The following TTC21B variants were observed in gnomAD, a reference collection of about 807,000 sequenced individuals.
TTC21B encodes the protein tetratricopeptide repeat protein 21B.
TTC21B carries 127 observed loss-of-function variants against 175.1 expected under a neutral mutation model. That is an observed-to-expected ratio of 0.73 (90% CI 0.63 to 0.84). TTC21B has a LOEUF of 0.84. TTC21B is among the 40% of genes least tolerant of loss of function. The pLI, the probability that TTC21B is intolerant of heterozygous loss-of-function variation, is 0.00. For missense variants in TTC21B, 1,561 were observed against 1,558.3 expected (o/e 1.00, Z -0.03); for synonymous variants, 524 against 524.5 (o/e 1.00, Z 0.01).
At position 165,941,126 on chromosome 2, in the gene TTC21B, A is replaced by G; in HGVS notation, c.611T>C (p.Ile204Thr). Residue 204 changes from isoleucine (I) to threonine (T), a missense_variant, in exon 6 of 29, where the codon ATA (isoleucine) becomes ACA (threonine). Physicochemically the swap from Ile to Thr is moderately conservative, Grantham distance 89. Transcript: ENST00000243344. ...YSGALETVNQIIVNFPSFLPA... is the reference protein window; with the variant it reads ...YSGALETVNQTIVNFPSFLPA... ...AAGGAAGCTCGGAAAATTCACGATT[A>G]TCTGGTTCACAGTCTCCAGGGCACC... 6.2e-7 allele frequency: 1 copy of G among 1,613,914 alleles called. No individual in the cohort carries two copies. The highest frequency in any genetic ancestry group is 1.1e-5 in the South Asian group (1 of 91,086).
chr2:165,950,549 G>C (rs78136867), intron 1 of TTC21B, among the ~76,000 whole-genome samples: 20,422 of 152,158 alleles, frequency 0.13, 1,748 homozygotes, highest in East Asian at 0.33. Context: ...AGCTTGTTCA[G>C]TAGCAGTGAG....
intron 17 of TTC21B, among the ~76,000 whole-genome samples, chr2:165,912,234 T>C (rs1359702002): frequency 6.6e-6 from 1 of 152,144 alleles, no homozygotes; most frequent in African/African-American, 2.4e-5. Flanking sequence ...TGTTACACAA[T>C]GAAAGAGGTG....
intron 11 of TTC21B, chr2:165,928,930 T>G: frequency 1.8e-6 from 1 of 561,792 alleles, no homozygotes; most frequent in Non-Finnish European, 3.2e-6. Flanking sequence ...GAAATACAAA[T>G]GAATATTTGC....
chr2:165,931,688 C>T lies in TTC21B; in HGVS notation c.894+70G>A, dbSNP rs1431091028. 5 of 1,308,872 alleles carry T rather than the reference C, an allele frequency of 3.8e-6. 1 individual carries two copies. The highest frequency in any genetic ancestry group is 2.4e-5 in the South Asian group (2 of 84,296). The allele number at this position is 1,308,872 out of a possible 1,614,324, so 81.1% of individuals were successfully genotyped here. ...TAGGCCATATGCTCTTCCCTGCTTCCACCTTTTCCACTTATTTTATGTCCT... is the reference window on the plus strand; with the variant it reads ...TAGGCCATATGCTCTTCCCTGCTTCTACCTTTTCCACTTATTTTATGTCCT... On this transcript the variant is annotated intron_variant, in intron 8 of 28. Coordinates refer to ENST00000243344, the MANE Select transcript of TTC21B (RefSeq NM_024753.5).
intron 14 of TTC21B, among the ~76,000 whole-genome samples, chr2:165,916,075 T>C (rs874099): frequency 0.012 from 1,815 of 152,224 alleles, 37 homozygotes; most frequent in African/African-American, 0.041. Context: ...TTAAGCCCAG[T>C]AGTTTGAGAC....
intron 20 of TTC21B, among the ~76,000 whole-genome samples, chr2:165,900,289 C>A (rs1477522772): frequency 3.9e-5 from 6 of 152,144 alleles, no homozygotes; most frequent in African/African-American, 7.2e-5. Flanking sequence ...AAGTAGGATT[C>A]CAACTCCTTT....
Position 165,915,272 on chromosome 2 carries a change from C to A in TTC21B, c.2067G>T (p.Glu689Asp). ...AAATATCTGCCATTTTTTCTCTGGCCTCTATAAAATAAGGCTGTTCGGCTG... is the reference window on the plus strand; with the variant it reads ...AAATATCTGCCATTTTTTCTCTGGCATCTATAAAATAAGGCTGTTCGGCTG... ...NVTAEQPYFI[E>D]AREKMADIYL... The change falls in exon 15 of 29, where the codon GAG (glutamate) becomes GAT (aspartate). Residue 689 changes from glutamate (E) to aspartate (D), a missense_variant. Coordinates refer to ENST00000243344, the MANE Select transcript of TTC21B (RefSeq NM_024753.5). 1 of 1,613,928 alleles carries A rather than the reference C, an allele frequency of 6.2e-7. No individual in the cohort carries two copies. Among genetic ancestry groups the A allele is most frequent in the South Asian group, 1.1e-5 (1 of 91,082 alleles).
intron 6 of TTC21B, among the ~76,000 whole-genome samples, chr2:165,939,304 G>A (rs1687280989): frequency 6.6e-6 from 1 of 152,138 alleles, no homozygotes; most frequent in Non-Finnish European, 1.5e-5. Flanking sequence ...AGTTAGACAT[G>A]CTTGCAAGTC....
chr2:165,949,256 A>T lies in TTC21B; in HGVS notation c.262+138T>A, dbSNP rs1687684810. The T allele has an allele frequency of 1.4e-5, 10 of 701,082 alleles. No individual in the cohort carries two copies. The South Asian group carries it at 1.5e-4, about 11-fold the overall frequency. The allele number at this position is 701,082 out of a possible 1,614,324, so 43.4% of individuals were successfully genotyped here. A position where few individuals can be genotyped will look rare whatever the true frequency, so the allele number is the denominator to read the frequency against. On this transcript the variant is annotated intron_variant, in intron 3 of 28. Transcript: ENST00000243344. Reference sequence around the variant, plus strand: ...TGATGAATTTACACCCTTGTCAGGAAGATAAACATATGTATAAATTGTACC... The same window carrying T: ...TGATGAATTTACACCCTTGTCAGGATGATAAACATATGTATAAATTGTACC...
At position 165,933,017 on chromosome 2, in the gene TTC21B, T is replaced by A; in HGVS notation, c.751A>T (p.Met251Leu). The A allele has an allele frequency of 6.2e-7, 1 of 1,612,982 alleles. No homozygotes were observed. The highest frequency in any genetic ancestry group is 8.5e-7 in the Non-Finnish European group (1 of 1,179,482). ...CTACACACATAGTAGAGTGCCTGCA[T>A]TCTCAGTGCTTCCACATTTTGGCTA... The part of the protein sequence containing the change: ...QDSQNVEALR[M>L]QALYYVCREG... The change falls in exon 7 of 29, where the codon ATG (methionine) becomes TTG (leucine). Residue 251 changes from methionine (M) to leucine (L), a missense_variant. Physicochemically the swap from Met to Leu is conservative, Grantham distance 15. Transcript: ENST00000243344.
intron 14 of TTC21B, among the ~76,000 whole-genome samples, 160 bp from the exon 15 acceptor site, chr2:165,915,599 C>A (rs779191540): frequency 6.6e-6 from 1 of 152,092 alleles, no homozygotes; most frequent in African/African-American, 2.4e-5. Flanking sequence ...AAATTTAAAA[C>A]TAAACCCATG....
At chr2:165,923,922 T>C (rs1255292193) in intron 12 of TTC21B, among the ~76,000 whole-genome samples, 1 of 132,508 alleles carries the variant, frequency 7.5e-6, no homozygotes, top group East Asian at 2.1e-4. Context: ...CAGCTAATTT[T>C]TGTATTTTTT....
intron 11 of TTC21B, among the ~76,000 whole-genome samples, chr2:165,927,525 T>C (rs761558185): frequency 2.1e-4 from 31 of 150,890 alleles, no homozygotes; most frequent in Non-Finnish European, 4.1e-4. Context: ...TGATATTATC[T>C]GTCTCCTCCT....
In TTC21B at chr2:165,888,452, A is replaced by G. The variant is rs1685081904; in HGVS notation, c.3286T>C (p.Ser1096Pro). ...GCTGTTCTTACTGCCAGTTGCACAG[A>G]TTCTTGCTTCTCAGTTGAATTACTG... ...DLGNSTEKQE[S>P]VQLAVRTAEK... Residue 1096 changes from serine to proline, a missense_variant, in exon 25 of 29, where the codon TCT (serine) becomes CCT (proline). By Grantham distance (74) the Ser-to-Pro change is moderately conservative. Coordinates refer to ENST00000243344, the MANE Select transcript of TTC21B (RefSeq NM_024753.5). The G allele has an allele frequency of 6.2e-7, 1 of 1,613,482 alleles. No individual in the cohort carries two copies. Among genetic ancestry groups the G allele is most frequent in the Non-Finnish European group, 8.5e-7 (1 of 1,179,730 alleles).
In TTC21B at chr2:165,889,503, T is replaced by C. The variant is rs117929900; in HGVS notation, c.3263+976A>G. On this transcript the variant is annotated intron_variant, in intron 24 of 28. Transcript: ENST00000243344. Reference sequence around the variant, plus strand: ...TATCCCTAGCTGTGACCTCTCTTTCTGAGTTTTAGTTTTGTATTTTGAATT... The same window carrying C: ...TATCCCTAGCTGTGACCTCTCTTTCCGAGTTTTAGTTTTGTATTTTGAATT... Among the ~76,000 whole-genome samples, 9 of 152,260 alleles carry C rather than the reference T, an allele frequency of 5.9e-5. No homozygotes were observed. The East Asian group carries it at 1.7e-3, about 29-fold the overall frequency.
At chr2:165,934,685 T>TCAACA (rs1476451028) in intron 6 of TTC21B, 1 of 148,944 alleles carries the variant, frequency 6.7e-6, no homozygotes, top group African/African-American at 2.5e-5. Context: ...TTGCTCAATC[T>TCAACA]CAACACAATA....
Position 165,946,051 on chromosome 2 carries a change from C to T in TTC21B, c.263-361G>A, listed in dbSNP as rs539729631. On this transcript the variant is annotated intron_variant, in intron 3 of 28. Coordinates refer to ENST00000243344, the MANE Select transcript of TTC21B (RefSeq NM_024753.5). ...ATTAAGATGCTAAATTTTGGCTGGG[C>T]GCAGTGGCTCACGCCTGCAATCGCA... Among the ~76,000 whole-genome samples, 12 of 151,958 alleles carry T rather than the reference C, an allele frequency of 7.9e-5. No individual in the cohort carries two copies. The South Asian group carries it at 1.0e-3, about 13-fold the overall frequency.
intron 12 of TTC21B, among the ~76,000 whole-genome samples, chr2:165,921,695 G>A (rs1416016841): frequency 6.6e-6 from 1 of 151,834 alleles, no homozygotes; most frequent in Non-Finnish European, 1.5e-5. Context: ...CCAACTAGTT[G>A]GTGTCAGAAG....
chr2:165,878,493 A>G (rs890111248), intron 27 of TTC21B, among the ~76,000 whole-genome samples: 4 of 152,004 alleles, frequency 2.6e-5, no homozygotes, highest in Non-Finnish European at 4.4e-5. Flanking sequence ...TTCCTCGTAT[A>G]TATTTAAGAT....
Sources: gnomAD v4.1 joint callset for allele counts (sites outside exome capture counted in the v4.1 genomes callset) on GRCh38, gnomAD v4.1.1 for gene constraint, MANE v1.5 for transcripts, NCBI Gene and HGNC (gene_info 2026-07-23, HGNC 2026-07-21) for gene names.